FAAH2: variants seen among roughly 807,000 people sequenced by gnomAD.
FAAH2 encodes the protein fatty-acid amide hydrolase 2.
A neutral mutation model predicts 36.9 loss-of-function variants in FAAH2; 60 were observed. The ratio of observed to expected loss-of-function variants is 1.63; its 90% CI spans 1.32 to 2.02. FAAH2 has a LOEUF of 2.02. FAAH2 is among the 30% of genes most tolerant of loss of function. FAAH2 has a pLI of 0.00. For missense variants in FAAH2, 689 were observed against 397.5 expected (o/e 1.73, Z -6.23); for synonymous variants, 214 against 143.8 (o/e 1.49, Z -3.49).
chrX:57,122,118 A>T, the FAAH2 span, among the ~76,000 whole-genome samples: 71 of 111,404 alleles, frequency 6.4e-4, 1 homozygote, highest in Non-Finnish European at 1.0e-3. Flanking sequence ...ACATTTTAGG[A>T]AATTAATATT....
chrX:57,288,334 ATTTCTTTTTTT>A (rs2051871817), intron 1 of FAAH2, among the ~76,000 whole-genome samples: 15 of 61,168 alleles, frequency 2.5e-4, no homozygotes, highest in Admixed American at 1.8e-3. Flanking sequence ...TCTTAAAAAC[ATTTCTTTTTTT>A]TTTTTTTTTT....
chrX:57,146,215 A>T, the FAAH2 span, among the ~76,000 whole-genome samples: 4 of 110,092 alleles, frequency 3.6e-5, no homozygotes, highest in African/African-American at 1.3e-4. Context: ...ATGTATTTCC[A>T]TTTGTTTGTG....
At chrX:57,137,723 C>T in the FAAH2 span, 2 of 111,354 alleles carry the variant, frequency 1.8e-5, no homozygotes, top group African/African-American at 3.3e-5. Context: ...TCTAGCCCCT[C>T]CCCTCAGCTC....
At chrX:57,255,830 G>T in the FAAH2 span, among the ~76,000 whole-genome samples, 2 of 111,631 alleles carry the variant, frequency 1.8e-5, no homozygotes, top group East Asian at 5.6e-4. Flanking sequence ...TATCAAATGG[G>T]CAAAAACTGG....
chrX:57,230,513 T>G, the FAAH2 span, among the ~76,000 whole-genome samples: 1 of 111,839 alleles, frequency 8.9e-6, no homozygotes, highest in African/African-American at 3.2e-5. Context: ...TCTTTGAGAC[T>G]CCAATTTAAA....
the FAAH2 span, chrX:57,127,076 A>G: frequency 9.9e-5 from 11 of 111,259 alleles, no homozygotes; most frequent in African/African-American, 3.6e-4. Flanking sequence ...ATTTCTTTAT[A>G]GTTAAAGCAA....
chrX:57,372,815 C>T (rs1373310313), intron 5 of FAAH2, among the ~76,000 whole-genome samples: 1 of 109,983 alleles, frequency 9.1e-6, no homozygotes, highest in Admixed American at 9.8e-5. Flanking sequence ...GATTTTGGTG[C>T]ACCCATCACC....
At chrX:57,222,515 G>A in the FAAH2 span, among the ~76,000 whole-genome samples, 1 of 111,929 alleles carries the variant, frequency 8.9e-6, no homozygotes. Flanking sequence ...TCAAGCATTG[G>A]TGGCAGCTGC....
chrX:57,194,228 G>T, the FAAH2 span, among the ~76,000 whole-genome samples: 1 of 111,219 alleles, frequency 9.0e-6, no homozygotes, highest in African/African-American at 3.3e-5. Context: ...TTCAGGTTTG[G>T]ATTTATTCCG....
chrX:57,190,675 C>T, the FAAH2 span, among the ~76,000 whole-genome samples: 3 of 110,432 alleles, frequency 2.7e-5, no homozygotes, highest in South Asian at 4.0e-4. Context: ...CTTGCACTCC[C>T]GGGTGAGGTA....
At chrX:57,135,573 C>A in the FAAH2 span, 1 of 519,806 alleles carries the variant, frequency 1.9e-6, no homozygotes, top group Non-Finnish European at 3.0e-6. Context: ...AAATTGACAG[C>A]TGTTCGTTCC....
At chrX:57,195,281 T>TA in the FAAH2 span, among the ~76,000 whole-genome samples, 2 of 110,523 alleles carry the variant, frequency 1.8e-5, no homozygotes, top group Non-Finnish European at 3.8e-5. Flanking sequence ...CTATTTTTTT[T>TA]AAATTTTTAA....
At chrX:57,352,140 A>G (rs1311789103) in intron 5 of FAAH2, among the ~76,000 whole-genome samples, 7 of 79,487 alleles carry the variant, frequency 8.8e-5, no homozygotes, top group African/African-American at 2.8e-4. Flanking sequence ...ATATATGTGT[A>G]TATATATGCA....
the FAAH2 span, among the ~76,000 whole-genome samples, chrX:57,210,510 G>A: frequency 1.8e-5 from 2 of 111,805 alleles, no homozygotes; most frequent in Non-Finnish European, 3.8e-5. Context: ...AAGAAGCCAA[G>A]CATCATAAAA....
the FAAH2 span, among the ~76,000 whole-genome samples, chrX:57,268,923 C>T: frequency 9.0e-6 from 1 of 111,346 alleles, no homozygotes; most frequent in Non-Finnish European, 1.9e-5. Flanking sequence ...GCTAAATGCT[C>T]CAATTAAAAG....
At chrX:57,214,226 T>TTTGACAAA in the FAAH2 span, among the ~76,000 whole-genome samples, 1 of 111,900 alleles carries the variant, frequency 8.9e-6, no homozygotes, top group African/African-American at 3.2e-5. Flanking sequence ...CCACATAGCG[T>TTTGACAAA]TGGTTTGTTA....
At chrX:57,295,018 C>A (rs1359498644) in intron 2 of FAAH2, among the ~76,000 whole-genome samples, 3 of 111,941 alleles carry the variant, frequency 2.7e-5, no homozygotes, top group African/African-American at 9.7e-5. Context: ...TATGAGGGAA[C>A]AAAGGGAAGA....
chrX:57,172,234 G>T, the FAAH2 span, among the ~76,000 whole-genome samples: 1 of 111,538 alleles, frequency 9.0e-6, no homozygotes, highest in Non-Finnish European at 1.9e-5. Context: ...GGCTTTTTGG[G>T]TTGTTTTTTG....
chrX:57,293,670 T>A (rs1569235610), intron 2 of FAAH2, among the ~76,000 whole-genome samples: 2 of 111,945 alleles, frequency 1.8e-5, no homozygotes, highest in Non-Finnish European at 3.8e-5. Flanking sequence ...TTCTATTATT[T>A]AAATTTTCTG....
Sources: allele counts gnomAD v4.1 joint callset (sites outside exome capture counted in the v4.1 genomes callset), GRCh38; gene constraint gnomAD v4.1.1; transcripts MANE v1.5; gene names NCBI Gene and HGNC (gene_info 2026-07-23, HGNC 2026-07-21).